The following PHC2 variants were observed in gnomAD, a reference collection of about 807,000 sequenced individuals.
The protein encoded by PHC2 is polyhomeotic homolog 2.
PHC2 carries 29 observed loss-of-function variants against 87.4 expected under a neutral mutation model. The observed-to-expected ratio is 0.33, with a 90% CI of 0.25 to 0.45. The LOEUF (loss-of-function observed/expected upper bound fraction) is 0.45, where lower values mean the gene tolerates loss of function less well. PHC2 is among the 20% of genes least tolerant of loss of function. The pLI is 1.00. For synonymous variants in PHC2, 438 were observed against 461.7 expected, an observed-to-expected ratio of 0.95 and a Z score of 0.66; for missense variants, 857 against 1,136.7, an observed-to-expected ratio of 0.75 and a Z score of 3.54.
intron 1 of PHC2, among the ~76,000 whole-genome samples, chr1:33,415,109 G>A (rs1650149703): frequency 6.6e-6 from 1 of 152,204 alleles, no homozygotes; most frequent in Non-Finnish European, 1.5e-5. Flanking sequence ...GAGGGGGAAT[G>A]GATCTCACCG....
At position 33,354,484 on chromosome 1, in the gene PHC2, G is replaced by A. The variant is rs1365668245; in HGVS notation, c.1475C>T (p.Pro492Leu). 4 of 1,613,930 alleles carry A rather than the reference G, an allele frequency of 2.5e-6. No homozygotes were observed. The highest frequency in any genetic ancestry group is 2.5e-6 in the Non-Finnish European group (3 of 1,179,964). ...SVPETRSGPS[P>L]HQQAIVTAMP... Reference sequence around the variant, plus strand: ...GGCAGTGACAATAGCCTGCTGATGTGGTGATGGGCCAGACCGCGTCTCAGG... The same window carrying A: ...GGCAGTGACAATAGCCTGCTGATGTAGTGATGGGCCAGACCGCGTCTCAGG... The change falls in exon 9 of 15, where the codon CCA (proline) becomes CTA (leucine). Residue 492 changes from proline (P) to leucine (L), a missense_variant. By Grantham distance (98) the Pro-to-Leu change is moderately conservative (BLOSUM62 -3). Around this residue, in one of 3 missense-constraint regions of PHC2, gnomAD observed 832 missense variants for 1,081.8 expected, o/e 0.77. Transcript: ENST00000683057.
At chr1:33,380,001 A>G (rs759327647) in intron 1 of PHC2, among the ~76,000 whole-genome samples, 25 of 152,108 alleles carry the variant, frequency 1.6e-4, no homozygotes, top group Non-Finnish European at 3.1e-4. Flanking sequence ...TGTCTCTTCA[A>G]TTCACACAGA....
chr1:33,386,969 C>T (rs115085623), intron 1 of PHC2, among the ~76,000 whole-genome samples: 16 of 152,314 alleles, frequency 1.1e-4, no homozygotes, highest in African/African-American at 2.9e-4. Flanking sequence ...ATGGTTAAAC[C>T]GTAGTATGCT....
chr1:33,408,182 C>T (rs957805439), intron 1 of PHC2, among the ~76,000 whole-genome samples: 10 of 152,162 alleles, frequency 6.6e-5, no homozygotes, highest in Admixed American at 4.6e-4. Context: ...GTGAAAGTTT[C>T]TGGATTAAGT....
At chr1:33,400,868 G>C (rs1649493768) in intron 1 of PHC2, among the ~76,000 whole-genome samples, 3 of 152,138 alleles carry the variant, frequency 2.0e-5, no homozygotes, top group South Asian at 4.1e-4. Flanking sequence ...GCTTCAGATA[G>C]CTGCCCTTTG....
intron 9 of PHC2, among the ~76,000 whole-genome samples, chr1:33,348,669 G>A (rs1453916003): frequency 1.3e-5 from 2 of 152,208 alleles, no homozygotes; most frequent in Non-Finnish European, 2.9e-5. Flanking sequence ...TAATGGAGAG[G>A]GGATTAAAGA....
At chr1:33,424,187 T>A (rs1381924285) in intron 1 of PHC2, among the ~76,000 whole-genome samples, 1 of 152,150 alleles carries the variant, frequency 6.6e-6, no homozygotes, top group Non-Finnish European at 1.5e-5. Flanking sequence ...TAGAGATTGA[T>A]TCATTAATAC....
At position 33,364,112 on chromosome 1, in the gene PHC2, T is replaced by TG. The variant is rs1647292896; in HGVS notation, c.976+3003dup. On this transcript the variant is annotated intron_variant, in intron 7 of 14. Coordinates refer to ENST00000683057, the MANE Select transcript of PHC2 (RefSeq NM_001385109.1). This position sits in a 1 kb window ranked among gnomAD's most constrained non-coding sequence, Gnocchi z 4.1. ...AGCAGGAACAGCAGGGAGCTTGCCA[T>TG]GGGGGAGGGGCTTTGCCCCCAAACA... is the stretch of plus-strand genomic sequence containing the variant. 2.0e-5 allele frequency among the ~76,000 whole-genome samples: 3 copies of TG among 151,750 alleles called. No individual in the cohort carries two copies. The highest frequency in any genetic ancestry group is 7.3e-5 in the African/African-American group (3 of 41,372).
rs374314614 is a variant in PHC2 at position 33,332,236 on chromosome 1, C to T, written c.1891+39G>A. 124 of 1,612,986 alleles carry T rather than the reference C, an allele frequency of 7.7e-5. No homozygotes were observed. In the Admixed American group the frequency reaches 1.6e-3, roughly 20 times the overall value. On this transcript the variant is annotated intron_variant, in intron 11 of 14. Coordinates refer to ENST00000683057, the MANE Select transcript of PHC2 (RefSeq NM_001385109.1). The surrounding 1 kb of genome is among the most constrained non-coding windows in gnomAD (Gnocchi z 4.2). ...TGTGTGAGGCCTGCCTTTCCAGCCA[C>T]GCTGGGAGGCCGAGAGATTCAGGGT...
intron 9 of PHC2, chr1:33,346,032 CCCTAAAAACATTTAAAG>C: frequency 2.0e-6 from 2 of 985,272 alleles, no homozygotes; most frequent in Non-Finnish European, 1.2e-6. Flanking sequence ...TTAAACCATG[CCCTAAAAACATTTAAAG>C]CATAAATCTA....
intron 9 of PHC2, chr1:33,345,091 T>A (rs1646822067): frequency 6.6e-6 from 1 of 151,936 alleles, no homozygotes; most frequent in Admixed American, 6.6e-5. Context: ...GCAACTAGAG[T>A]TTTAAAAATA....
At chr1:33,347,172 G>A (rs917854735) in intron 9 of PHC2, 4 of 985,332 alleles carry the variant, frequency 4.1e-6, no homozygotes, top group Non-Finnish European at 4.8e-6. Context: ...TCATAGCTGA[G>A]GGAAGGGCTT....
At chr1:33,389,916 A>G (rs1296448007) in intron 1 of PHC2, among the ~76,000 whole-genome samples, 1 of 152,210 alleles carries the variant, frequency 6.6e-6, no homozygotes, top group Non-Finnish European at 1.5e-5. Context: ...CATTCTTTCC[A>G]GTCAAGCATA....
intron 7 of PHC2, among the ~76,000 whole-genome samples, chr1:33,361,379 C>T (rs146343401): frequency 0.011 from 1,677 of 152,234 alleles, 21 homozygotes; most frequent in Non-Finnish European, 0.015. Context: ...TCGCTCTTGA[C>T]GCCCAGGCTG....
chr1:33,430,377 CG>C (rs1318867838), intron 1 of PHC2, among the ~76,000 whole-genome samples: 1 of 152,222 alleles, frequency 6.6e-6, no homozygotes, highest in African/African-American at 2.4e-5. Flanking sequence ...CAGCAACCCC[CG>C]GTTCCCTCTG....
chr1:33,367,024 A>C (rs1199293860), intron 7 of PHC2, 92 bp downstream of exon 7: 2 of 1,149,034 alleles, frequency 1.7e-6, no homozygotes, highest in South Asian at 3.0e-5. Flanking sequence ...TATCTTTGCA[A>C]ATCCATGGGA....
chr1:33,422,492 C>T (rs1038184823), intron 1 of PHC2, among the ~76,000 whole-genome samples: 4 of 152,192 alleles, frequency 2.6e-5, no homozygotes, highest in African/African-American at 9.6e-5. Flanking sequence ...AAGATTTTGT[C>T]ATGGCTTGAA....
intron 7 of PHC2, chr1:33,363,661 C>T: frequency 2.6e-6 from 2 of 756,294 alleles, no homozygotes; most frequent in Non-Finnish European, 3.2e-6. Flanking sequence ...GGTGAAAGGG[C>T]CCTGGCTTTT....
At position 33,332,222 on chromosome 1, in the gene PHC2, T is replaced by A; in HGVS notation, c.1891+53A>T. 1 of 1,610,444 alleles carries A rather than the reference T, an allele frequency of 6.2e-7. No individual in the cohort carries two copies. On this transcript the variant is annotated intron_variant, in intron 11 of 14. Coordinates refer to ENST00000683057, the MANE Select transcript of PHC2 (RefSeq NM_001385109.1). The surrounding 1 kb of genome is among the most constrained non-coding windows in gnomAD (Gnocchi z 4.2). ...ACAGAGAGAGGAAGTGTGTGAGGCC[T>A]GCCTTTCCAGCCACGCTGGGAGGCC...
Sources: allele counts gnomAD v4.1 joint callset (sites outside exome capture counted in the v4.1 genomes callset), GRCh38; gene constraint gnomAD v4.1.1; regional missense constraint gnomAD v4.1.1; non-coding constraint Gnocchi (gnomAD v3.1); transcripts MANE v1.5; gene names NCBI Gene and HGNC (gene_info 2026-07-23, HGNC 2026-07-21).